Variants in CDH13 observed in about 807,000 individuals in gnomAD.
CDH13 encodes the protein cadherin-13.
A neutral mutation model predicts 63.8 loss-of-function variants in CDH13; 24 were observed. That is an observed-to-expected ratio of 0.38 (90% CI 0.27 to 0.53). The LOEUF (loss-of-function observed/expected upper bound fraction) is 0.53, where lower values mean the gene tolerates loss of function less well. CDH13 is among the 20% of genes least tolerant of loss of function. CDH13 has a pLI of 0.85. For synonymous variants in CDH13, 503 were observed against 355.3 expected (o/e 1.42, Z -4.67); for missense variants, 1,049 against 903.1 (o/e 1.16, Z -2.07).
In CDH13 at chr16:82,914,733, G is replaced by A. The variant is rs145577250; in HGVS notation, c.157+56260G>A. On this transcript the variant is annotated intron_variant, in intron 2 of 13. Transcript: ENST00000567109. ...TGAAATGGAACACGGCTGTCCTGGC[G>A]TCCACAACTCACAGGAGAGTGGAGA... 6.4e-4 allele frequency among the ~76,000 whole-genome samples: 98 copies of A among 152,304 alleles called. No homozygotes were observed. The East Asian group carries it at 7.3e-3, about 11-fold the overall frequency.
At chr16:83,727,688 G>A (rs1294175464) in intron 10 of CDH13, among the ~76,000 whole-genome samples, 1 of 152,034 alleles carries the variant, frequency 6.6e-6, no homozygotes, top group Admixed American at 6.5e-5. Context: ...GCATTCAAAG[G>A]CCAAAAAAGT....
At chr16:83,390,600 TATGCCTCC>T (rs1194535338) in intron 6 of CDH13, among the ~76,000 whole-genome samples, 1 of 152,056 alleles carries the variant, frequency 6.6e-6, no homozygotes, top group Non-Finnish European at 1.5e-5. Flanking sequence ...TCAACAAGAA[TATGCCTCC>T]AAGCCAGGAG....
At chr16:83,535,691 T>C (rs775594791) in intron 7 of CDH13, among the ~76,000 whole-genome samples, 1 of 152,186 alleles carries the variant, frequency 6.6e-6, no homozygotes, top group African/African-American at 2.4e-5. Context: ...AGGCCTCAGT[T>C]TCCCCAAGAT....
At chr16:83,082,855 G>C (rs1196419314) in intron 3 of CDH13, among the ~76,000 whole-genome samples, 1 of 152,220 alleles carries the variant, frequency 6.6e-6, no homozygotes, top group African/African-American at 2.4e-5. Flanking sequence ...ATTCGGTGCT[G>C]CTGTTTTAAC....
chr16:83,293,106 A>G (rs920800537), intron 5 of CDH13, among the ~76,000 whole-genome samples: 1 of 152,292 alleles, frequency 6.6e-6, no homozygotes, highest in East Asian at 1.9e-4. Context: ...GTTAGATTCT[A>G]TTTTGAATTG....
intron 2 of CDH13, among the ~76,000 whole-genome samples, chr16:83,013,642 C>A (rs1003357684): frequency 6.6e-6 from 1 of 152,218 alleles, no homozygotes; most frequent in African/African-American, 2.4e-5. Context: ...AAGTCAGTAA[C>A]TTGTCTATTC....
intron 5 of CDH13, among the ~76,000 whole-genome samples, chr16:83,225,022 C>T (rs545539015): frequency 6.6e-6 from 1 of 152,262 alleles, no homozygotes; most frequent in South Asian, 2.1e-4. Flanking sequence ...ACTGTGGCCC[C>T]AGACTAACAG....
chr16:83,155,383 C>T (rs2037166911), intron 4 of CDH13, among the ~76,000 whole-genome samples: 1 of 152,140 alleles, frequency 6.6e-6, no homozygotes, highest in Non-Finnish European at 1.5e-5. Context: ...GGTTGAAAGG[C>T]CAAGAATTAA....
In CDH13 at chr16:83,298,614, G is replaced by C. The variant is rs141326799; in HGVS notation, c.637-46248G>C. On this transcript the variant is annotated intron_variant, in intron 5 of 13. Transcript: ENST00000567109. ...TCCAAGAAGTAAGGACCTGTTATTA[G>C]AGGTAACAAGTATAGGCTAATTTGA... Among the ~76,000 whole-genome samples the C allele has an allele frequency of 3.4e-3, 516 of 152,310 alleles. 2 individuals carry two copies. Among genetic ancestry groups the C allele is most frequent in the Non-Finnish European group, 5.5e-3 (377 of 68,032 alleles).
intron 4 of CDH13, among the ~76,000 whole-genome samples, chr16:83,182,637 C>G (rs2038382012): frequency 6.6e-6 from 1 of 152,194 alleles, no homozygotes; most frequent in Non-Finnish European, 1.5e-5. Flanking sequence ...AGTCTAAATG[C>G]TTATTGTGAT....
At chr16:83,014,756 A>G (rs1360257047) in intron 2 of CDH13, among the ~76,000 whole-genome samples, 2 of 46,222 alleles carry the variant, frequency 4.3e-5, no homozygotes, top group Non-Finnish European at 9.0e-5. Flanking sequence ...ATATATATAT[A>G]TATATATATA....
At chr16:82,790,359 C>T (rs1271433279) in intron 1 of CDH13, among the ~76,000 whole-genome samples, 2 of 151,978 alleles carry the variant, frequency 1.3e-5, no homozygotes, top group African/African-American at 4.8e-5. Flanking sequence ...TGCGTGAACC[C>T]GGGAGGCAGA....
chr16:83,118,801 G>A (rs558004090), intron 3 of CDH13, among the ~76,000 whole-genome samples: 2 of 152,132 alleles, frequency 1.3e-5, no homozygotes, highest in South Asian at 4.2e-4. Flanking sequence ...GCAGTATTGG[G>A]CCTCTTCTCT....
intron 2 of CDH13, among the ~76,000 whole-genome samples, chr16:82,992,826 G>C (rs918540873): frequency 9.2e-5 from 14 of 152,188 alleles, no homozygotes; most frequent in African/African-American, 3.4e-4. Flanking sequence ...CAGAGGAACA[G>C]AAAATCAATT....
intron 5 of CDH13, among the ~76,000 whole-genome samples, chr16:83,319,748 A>G (rs1355464046): frequency 6.6e-6 from 1 of 152,210 alleles, no homozygotes; most frequent in Non-Finnish European, 1.5e-5. Flanking sequence ...AGGTGACAAG[A>G]AAGGAGTTGT....
intron 2 of CDH13, among the ~76,000 whole-genome samples, chr16:82,987,695 A>C (rs564576697): frequency 1.1e-4 from 17 of 152,264 alleles, no homozygotes; most frequent in Admixed American, 1.1e-3. Context: ...GCCAGTTTTA[A>C]AAGGCTTCTT....
chr16:83,102,680 G>A (rs2034541056), intron 3 of CDH13, among the ~76,000 whole-genome samples: 1 of 152,164 alleles, frequency 6.6e-6, no homozygotes, highest in African/African-American at 2.4e-5. Context: ...GGATGTAGAG[G>A]TATAGTCAGG....
At chr16:83,270,189 A>G (rs1293454194) in intron 5 of CDH13, among the ~76,000 whole-genome samples, 1 of 152,186 alleles carries the variant, frequency 6.6e-6, no homozygotes, top group South Asian at 2.1e-4. Context: ...ATAAGCCCAA[A>G]AAGGGGGCAG....
intron 5 of CDH13, among the ~76,000 whole-genome samples, chr16:83,318,089 T>C (rs1276253916): frequency 1.3e-5 from 2 of 152,168 alleles, no homozygotes; most frequent in South Asian, 4.1e-4. Context: ...ACCTATCCCA[T>C]AGAGTAACTA....
Sources: gnomAD v4.1 joint callset for allele counts (sites outside exome capture counted in the v4.1 genomes callset) on GRCh38, gnomAD v4.1.1 for gene constraint, MANE v1.5 for transcripts, NCBI Gene and HGNC (gene_info 2026-07-23, HGNC 2026-07-21) for gene names.